The following LRRC37A2 variants were observed in gnomAD, a reference collection of about 807,000 sequenced individuals.
LRRC37A2 encodes the protein leucine rich repeat containing 37 member A2.
Under a neutral mutation model 68.8 loss-of-function variants are expected in LRRC37A2, and 9 were observed. The ratio of observed to expected loss-of-function variants is 0.13; its 90% CI spans 0.08 to 0.23. The LOEUF (loss-of-function observed/expected upper bound fraction) is 0.23. Ranked by LOEUF, LRRC37A2 falls within the 10% of genes least tolerant of loss-of-function variation. The pLI is 1.00. For synonymous variants in LRRC37A2, 63 were observed against 367.6 expected, an observed-to-expected ratio of 0.17 and a Z score of 9.48; for missense variants, 168 against 950.4, an observed-to-expected ratio of 0.18 and a Z score of 10.82.
chr17:46,967,403 A>T, the LRRC37A2 span, among the ~76,000 whole-genome samples: 25 of 152,256 alleles, frequency 1.6e-4, no homozygotes, highest in African/African-American at 5.5e-4. Flanking sequence ...ATTAGCTGTC[A>T]TTACCAAGAT....
chr17:46,900,168 CATATATAT>C, the LRRC37A2 span, among the ~76,000 whole-genome samples: 723 of 64,010 alleles, frequency 0.011, 12 homozygotes, highest in South Asian at 0.012. Context: ...TATACATATA[CATATATAT>C]ATATATATAT....
chr17:46,805,939 T>G, the LRRC37A2 span, among the ~76,000 whole-genome samples: 15,788 of 152,266 alleles, frequency 0.1, 865 homozygotes, highest in Middle Eastern at 0.13. Context: ...TTACCAACCA[T>G]GGAGCCTTCG....
the LRRC37A2 span, chr17:47,021,798 G>A: frequency 2.9e-4 from 341 of 1,193,916 alleles, no homozygotes; most frequent in African/African-American, 1.3e-3. Context: ...TTTACTTATC[G>A]TGTTCATTGT....
At chr17:46,995,094 G>T in the LRRC37A2 span, among the ~76,000 whole-genome samples, 1 of 152,216 alleles carries the variant, frequency 6.6e-6, no homozygotes, top group Non-Finnish European at 1.5e-5. Flanking sequence ...CTGCCCTCCA[G>T]TCTGGGTGAC....
At chr17:46,939,615 T>C in the LRRC37A2 span, 6 of 985,670 alleles carry the variant, frequency 6.1e-6, no homozygotes, top group African/African-American at 1.7e-5. Flanking sequence ...GCTCTAGTTT[T>C]AGTATCTCTA....
the LRRC37A2 span, among the ~76,000 whole-genome samples, chr17:46,820,002 A>T: frequency 5.0e-3 from 756 of 152,290 alleles, 5 homozygotes; most frequent in African/African-American, 0.016. Context: ...CTGTGTAGGG[A>T]ACTGTGGCAG....
the LRRC37A2 span, among the ~76,000 whole-genome samples, chr17:46,475,755 T>G: frequency 1.2e-5 from 1 of 83,250 alleles, no homozygotes; most frequent in Admixed American, 1.2e-4. Context: ...ATCACTATTA[T>G]AACTTCCTCT....
the LRRC37A2 span, among the ~76,000 whole-genome samples, chr17:46,907,292 G>A: frequency 1.3e-5 from 2 of 152,214 alleles, no homozygotes; most frequent in East Asian, 3.9e-4. Context: ...CAATTCCCCA[G>A]GCGGGGCTTC....
the LRRC37A2 span, among the ~76,000 whole-genome samples, chr17:46,631,061 T>TTCACACAC: frequency 1.6e-5 from 2 of 122,772 alleles, no homozygotes; most frequent in Non-Finnish European, 3.2e-5. Context: ...TCTCTCTCTG[T>TTCACACAC]ACACACACAC....
the LRRC37A2 span, among the ~76,000 whole-genome samples, chr17:47,014,404 A>G: frequency 0.085 from 12,899 of 151,830 alleles, 782 homozygotes; most frequent in Non-Finnish European, 0.12. Flanking sequence ...AAAAAAAAAA[A>G]AAAAGAAAAA....
intron 6 of LRRC37A2, among the ~76,000 whole-genome samples, chr17:46,529,167 A>G (rs112619605): frequency 7.3e-6 from 1 of 137,440 alleles, no homozygotes; most frequent in East Asian, 2.0e-4. Context: ...TAGCTCATCT[A>G]TCTGGACCTG....
At chr17:46,782,765 C>A in the LRRC37A2 span, among the ~76,000 whole-genome samples, 1 of 152,228 alleles carries the variant, frequency 6.6e-6, no homozygotes, top group Non-Finnish European at 1.5e-5. Flanking sequence ...GAGCCGCTCA[C>A]CTGGCTGCTT....
the LRRC37A2 span, among the ~76,000 whole-genome samples, chr17:47,016,731 T>G: frequency 2.3e-5 from 1 of 43,482 alleles, no homozygotes; most frequent in African/African-American, 6.1e-5. Context: ...ATGCGACAGT[T>G]TAGCGAAAAT....
chr17:46,708,141 C>G, the LRRC37A2 span, among the ~76,000 whole-genome samples: 1 of 152,012 alleles, frequency 6.6e-6, no homozygotes, highest in African/African-American at 2.4e-5. Context: ...TTGAGTAATG[C>G]TGTCATTAGC....
the LRRC37A2 span, among the ~76,000 whole-genome samples, chr17:46,819,009 G>A: frequency 2.6e-5 from 4 of 152,208 alleles, no homozygotes; most frequent in Admixed American, 2.6e-4. This position sits in a 1 kb window ranked among gnomAD's most constrained non-coding sequence, Gnocchi z 5.3. Context: ...TAGGGCGCGG[G>A]GGCTTTGACC....
At chr17:46,941,831 C>A in the LRRC37A2 span, 1 of 568,896 alleles carries the variant, frequency 1.8e-6, no homozygotes, top group Non-Finnish European at 2.2e-6. Flanking sequence ...AGTGATCTGC[C>A]TGCTTCGGCC....
chr17:46,534,523 T>C (rs1407178043), intron 6 of LRRC37A2, among the ~76,000 whole-genome samples: 4 of 148,012 alleles, frequency 2.7e-5, no homozygotes, highest in Admixed American at 6.6e-5. Context: ...GGTAAGGTCA[T>C]AGATCAACAG....
At chr17:46,395,513 C>CCA in the LRRC37A2 span, among the ~76,000 whole-genome samples, 1 of 3,580 alleles carries the variant, frequency 2.8e-4, no homozygotes, top group African/African-American at 1.5e-3. Flanking sequence ...CTTGTTTCTA[C>CCA]AAAAAAAAAA....
At chr17:46,836,709 C>G in the LRRC37A2 span, among the ~76,000 whole-genome samples, 1 of 152,076 alleles carries the variant, frequency 6.6e-6, no homozygotes, top group South Asian at 2.1e-4. Flanking sequence ...TCCTGGCAAG[C>G]CAGGCTGGAG....
Sources: gnomAD v4.1 joint callset for allele counts (sites outside exome capture counted in the v4.1 genomes callset) on GRCh38, gnomAD v4.1.1 for gene constraint, Gnocchi (gnomAD v3.1) non-coding constraint, MANE v1.5 for transcripts, NCBI Gene and HGNC (gene_info 2026-07-23, HGNC 2026-07-21) for gene names.